PDE6B: variants seen among roughly 807,000 people sequenced by gnomAD.
The protein encoded by PDE6B is phosphodiesterase 6B.
Under a neutral mutation model 109.0 loss-of-function variants are expected in PDE6B, and 106 were observed. That is an observed-to-expected ratio of 0.97 (90% CI 0.83 to 1.14). The LOEUF is 1.14. Ranked by LOEUF, PDE6B falls within the 50% of genes most tolerant of loss-of-function variation. PDE6B has a pLI of 0.00. For missense variants in PDE6B, 1,193 were observed against 1,155.6 expected, an observed-to-expected ratio of 1.03 and a Z score of -0.47; for synonymous variants, 490 against 471.3, an observed-to-expected ratio of 1.04 and a Z score of -0.51.
chr4:656,893 C>A lies in PDE6B; in HGVS notation c.1127C>A (p.Ser376Tyr). 1 of 1,612,860 alleles carries A rather than the reference C, an allele frequency of 6.2e-7. No individual in the cohort carries two copies. Among genetic ancestry groups the A allele is most frequent in the Non-Finnish European group, 8.5e-7 (1 of 1,179,952 alleles). The change falls in exon 9 of 22, where the codon TCC becomes TAC. Residue 376 changes from serine to tyrosine, a missense_variant. Ser to Tyr is a moderately radical substitution (Grantham distance 144). Transcript: ENST00000496514. ...CCGCAGGAAGGGGCCCTGGACGACT[C>A]CGGGTGGCTCATCAAGAATGTGCTG... Reference protein sequence around the residue: ...FKFQEGALDDSGWLIKNVLSM... With the variant: ...FKFQEGALDDYGWLIKNVLSM...
At position 633,209 on chromosome 4, in the gene PDE6B, G is replaced by A. The variant is rs919492961; in HGVS notation, c.469-1468G>A. ...TGAGCCCTCAGGGGTTGCAGGTGGT[G>A]AGATGAGCCCTCCCTCAGGGCCCAT... On this transcript the variant is annotated intron_variant, in intron 1 of 21. Coordinates refer to ENST00000496514, the MANE Select transcript of PDE6B (RefSeq NM_000283.4). This position sits in a 1 kb window ranked among gnomAD's most constrained non-coding sequence, Gnocchi z 4.5. Among the ~76,000 whole-genome samples, 6 of 152,136 alleles carry A rather than the reference G, an allele frequency of 3.9e-5. No individual in the cohort carries two copies. The highest frequency in any genetic ancestry group is 7.4e-5 in the Non-Finnish European group (5 of 68,016).
intron 3 of PDE6B, among the ~76,000 whole-genome samples, chr4:642,661 T>C (rs1465235991): frequency 7.3e-6 from 1 of 136,758 alleles, no homozygotes; most frequent in Non-Finnish European, 1.5e-5. Flanking sequence ...CCAGGTGTGG[T>C]GGTGTGTGCC....
intron 3 of PDE6B, among the ~76,000 whole-genome samples, chr4:647,701 G>A (rs1735274536): frequency 6.6e-6 from 1 of 151,950 alleles, no homozygotes; most frequent in East Asian, 1.9e-4. Flanking sequence ...TCGGGTGAGG[G>A]CTTCACAGAT....
chr4:642,248 G>A (rs1734979858), intron 3 of PDE6B, among the ~76,000 whole-genome samples: 1 of 151,838 alleles, frequency 6.6e-6, no homozygotes, highest in Non-Finnish European at 1.5e-5. Context: ...AAGGTGGGTG[G>A]ATCACCTGAG....
At chr4:664,503 G>A (rs1737552451) in intron 17 of PDE6B, among the ~76,000 whole-genome samples, 1 of 152,146 alleles carries the variant, frequency 6.6e-6, no homozygotes, top group Non-Finnish European at 1.5e-5. Flanking sequence ...GTAAAATGGT[G>A]ATTCACAACC....
intron 3 of PDE6B, 185 bp from the exon 4 acceptor site, chr4:653,664 CCCA>C (rs2109190628): frequency 2.9e-6 from 2 of 695,840 alleles, no homozygotes; most frequent in Non-Finnish European, 4.9e-6. Context: ...GCTCCCGGGC[CCCA>C]CAAGCTCAGA....
chr4:665,443 G>T lies in PDE6B; in HGVS notation c.2268+114G>T, dbSNP rs948441776. On this transcript the variant is annotated intron_variant, in intron 19 of 21. Coordinates refer to ENST00000496514, the MANE Select transcript of PDE6B (RefSeq NM_000283.4). The surrounding 1 kb of genome is among the most constrained non-coding windows in gnomAD (Gnocchi z 4.0). ...TCAGGCAGGGGGTTCTGAGGTCGTG[G>T]GGTCCTTATCTCACTTTGTGGGATC... The T allele has an allele frequency of 6.7e-6, 5 of 747,776 alleles. No individual in the cohort carries two copies. The African/African-American group carries it at 8.6e-5, about 13-fold the overall frequency. The allele number at this position is 747,776 out of a possible 1,614,324, so 46.3% of individuals were successfully genotyped here.
intron 3 of PDE6B, 161 bp from the exon 4 acceptor site, chr4:653,691 C>T (rs1353581049): frequency 5.2e-5 from 43 of 822,648 alleles, no homozygotes; most frequent in Non-Finnish European, 7.5e-5. Context: ...AACCTGGCCA[C>T]GGAGCCACCA....
chr4:649,880 C>T (rs1419285585), intron 3 of PDE6B, among the ~76,000 whole-genome samples: 3 of 152,198 alleles, frequency 2.0e-5, no homozygotes, highest in Non-Finnish European at 1.5e-5. Flanking sequence ...GAGCAGCTCC[C>T]CTTCCAGGGC....
Position 664,153 on chromosome 4 carries a change from G to T in PDE6B, c.2061G>T (p.Lys687Asn), listed in dbSNP as rs149423059. Reference sequence around the variant, plus strand: ...TTCAGAAGATCGTGGATGAGTCCAAGAACTACCAGGACAAGAAGAGCTGGG... The same window carrying T: ...TTCAGAAGATCGTGGATGAGTCCAATAACTACCAGGACAAGAAGAGCTGGG... The part of the protein sequence containing the change: ...AMFQKIVDES[K>N]NYQDKKSWVE... Residue 687 changes from lysine (K) to asparagine (N), a missense_variant, in exon 17 of 22, where the codon AAG becomes AAT. By Grantham distance (94) the Lys-to-Asn change is moderately conservative. Coordinates refer to ENST00000496514, the MANE Select transcript of PDE6B (RefSeq NM_000283.4). 20 of 1,612,748 alleles carry T rather than the reference G, an allele frequency of 1.2e-5. No individual in the cohort carries two copies. The highest frequency in any genetic ancestry group is 1.4e-5 in the Non-Finnish European group (17 of 1,178,986).
Position 636,070 on chromosome 4 carries a change from C to T in PDE6B, c.711+101C>T, listed in dbSNP as rs1237989542. On this transcript the variant is annotated intron_variant, in intron 3 of 21. Coordinates refer to ENST00000496514, the MANE Select transcript of PDE6B (RefSeq NM_000283.4). This position sits in a 1 kb window ranked among gnomAD's most constrained non-coding sequence, Gnocchi z 4.5. The stretch of plus-strand genomic sequence containing the variant: ...GGGTGGTGGCAGGTGGTCTTGTGCT[C>T]ACCTGGGTAGGTCCTGGGGTGGGCA... The T allele has an allele frequency of 3.9e-6, 3 of 760,642 alleles. No homozygotes were observed. The highest frequency in any genetic ancestry group is 7.1e-6 in the Non-Finnish European group (3 of 420,776). The allele number at this position is 760,642 out of a possible 1,614,324, so 47.1% of individuals were successfully genotyped here.
rs1738371469 is a variant in PDE6B, at chr4:670,271, CT to C, written c.*166del. On this transcript the variant is annotated 3_prime_UTR_variant, in exon 22 of 22. Transcript: ENST00000496514. Reference sequence around the variant, plus strand: ...TTTTTTTTTTTTTTTGAGATGGAGTCTTGCTCTGTCACCCAGGCTGGAGTGC... The same window carrying C: ...TTTTTTTTTTTTTTTGAGATGGAGTCTGCTCTGTCACCCAGGCTGGAGTGC... 3.1e-6 allele frequency: 3 copies of C among 970,074 alleles called. No individual in the cohort carries two copies. In the East Asian group the frequency reaches 9.1e-5, roughly 30 times the overall value. 60.1% of individuals were successfully genotyped at this position (970,074 alleles called of 1,614,324 possible).
rs768583689 is a variant in PDE6B at position 663,890 on chromosome 4, G to T, written c.2021+20G>T. On this transcript the variant is annotated intron_variant, in intron 16 of 21. Transcript: ENST00000496514. This position sits in a 1 kb window ranked among gnomAD's most constrained non-coding sequence, Gnocchi z 4.0. ...CTTCAAGTGCGCGCCTTCCGGGAGG[G>T]GGCGCCTCGCGGGGCGGGCGGGTAG... is the stretch of plus-strand genomic sequence containing the variant. 2.5e-6 allele frequency: 4 copies of T among 1,574,790 alleles called. No individual in the cohort carries two copies. The South Asian group carries it at 3.4e-5, about 13-fold the overall frequency.
In PDE6B at chr4:625,725, C is replaced by T. The variant is rs1238383592; in HGVS notation, c.99C>T (p.Ala33=). The change falls in exon 1 of 22, where the codon GCC becomes GCT. Residue 33 remains alanine, a synonymous_variant. Transcript: ENST00000496514. The surrounding 1 kb of genome is among the most constrained non-coding windows in gnomAD (Gnocchi z 5.0). ...AGAAACTGAGCCCTGAGAATGTGGC[C>T]GCGGCCTGCGAGGACGGGTGCCCGC... The part of the protein sequence containing the change: ...FGKKLSPENV[A]AACEDGCPPD... The T allele has an allele frequency of 8.1e-6, 13 of 1,613,416 alleles. No homozygotes were observed. The highest frequency in any genetic ancestry group is 9.3e-6 in the Non-Finnish European group (11 of 1,179,932).
chr4:655,014 C>T (rs1271107895), intron 6 of PDE6B, 126 bp downstream of exon 6: 1 of 742,556 alleles, frequency 1.3e-6, no homozygotes, highest in African/African-American at 1.7e-5. Context: ...CCTGGCCTGG[C>T]CCCACCTGTG....
Position 626,195 on chromosome 4 carries a change from C to A in PDE6B, c.468+101C>A. On this transcript the variant is annotated intron_variant, in intron 1 of 21. Coordinates refer to ENST00000496514, the MANE Select transcript of PDE6B (RefSeq NM_000283.4). The surrounding 1 kb of genome is among the most constrained non-coding windows in gnomAD (Gnocchi z 4.6). ...CGGATCCTCAGGCCTCCAGGGAGGC[C>A]TCTTGTCAGGGCACAGGCTAGTTCT... 1 of 755,264 alleles carries A rather than the reference C, an allele frequency of 1.3e-6. No homozygotes were observed. Among genetic ancestry groups the A allele is most frequent in the Non-Finnish European group, 2.3e-6 (1 of 438,678 alleles). 46.8% of individuals were successfully genotyped at this position (755,264 alleles called of 1,614,324 possible). A position where few individuals can be genotyped will look rare whatever the true frequency, so the allele number is the denominator to read the frequency against.
intron 8 of PDE6B, 53 bp from the exon 9 acceptor site, chr4:656,821 C>G (rs576940450): frequency 3.8e-6 from 6 of 1,593,428 alleles, no homozygotes; most frequent in African/African-American, 1.3e-5. Flanking sequence ...GCCACACGCC[C>G]GGGCCAGGGC....
Position 654,862 on chromosome 4 carries a change from C to T in PDE6B, c.966C>T (p.His322=), listed in dbSNP as rs143711050. The change falls in exon 6 of 22, where the codon CAC becomes CAT. Residue 322 remains histidine (H), a synonymous_variant. Transcript: ENST00000496514. ...ACAAAGTGATCGACTACGTCCTCCA[C>T]GGCAAGGAGGAGATCAAGGTCATTC... The part of the protein sequence containing the change: ...VFYKVIDYVL[H]GKEEIKVIPT... 339 of 1,566,108 alleles carry T rather than the reference C, an allele frequency of 2.2e-4. 2 individuals are homozygous for T. Among genetic ancestry groups the T allele is most frequent in the African/African-American group, 5.4e-4 (40 of 74,092 alleles).
rs762670593 is a variant in PDE6B at position 660,630 on chromosome 4, G to C, written c.1614+17G>C. The C allele has an allele frequency of 6.2e-7, 1 of 1,612,590 alleles. No homozygotes were observed. The highest frequency in any genetic ancestry group is 1.7e-5 in the Admixed American group (1 of 60,006). ...CCCCAGGAGGTGGGAGACACCGCAG[G>C]GCGCATAGTCAGGTCCCTGAGGCCG... On this transcript the variant is annotated intron_variant, in intron 12 of 21. Transcript: ENST00000496514.
Sources: allele counts gnomAD v4.1 joint callset (sites outside exome capture counted in the v4.1 genomes callset), GRCh38; gene constraint gnomAD v4.1.1; non-coding constraint Gnocchi (gnomAD v3.1); transcripts MANE v1.5; gene names NCBI Gene and HGNC (gene_info 2026-07-23, HGNC 2026-07-21).